The following EFCAB3 variants were observed in gnomAD, a reference collection of about 807,000 sequenced individuals.
The protein encoded by EFCAB3 is EF-hand calcium-binding domain-containing protein 3.
In EFCAB3, 36 loss-of-function variants were observed where a neutral mutation model predicts 42.2. The observed-to-expected ratio is 0.85, with a 90% CI of 0.65 to 1.13. EFCAB3 has a LOEUF of 1.13. Ranked by LOEUF, EFCAB3 falls within the 50% of genes most tolerant of loss-of-function variation. The pLI is 0.00. For missense variants in EFCAB3, 418 were observed against 505.1 expected, an observed-to-expected ratio of 0.83 and a Z score of 1.65; for synonymous variants, 170 against 172.8, an observed-to-expected ratio of 0.98 and a Z score of 0.13.
upstream of EFCAB3, among the ~76,000 whole-genome samples, chr17:62,378,766 G>C (rs1360749862): frequency 6.6e-6 from 1 of 151,406 alleles, no homozygotes; most frequent in Non-Finnish European, 1.5e-5. Flanking sequence ...GGGCCTGTTG[G>C]GGGGTAGGGG....
chr17:62,415,554 T>A (rs1274345917), intron 9 of EFCAB3, among the ~76,000 whole-genome samples: 1 of 152,140 alleles, frequency 6.6e-6, no homozygotes, highest in Non-Finnish European at 1.5e-5. Flanking sequence ...GGATATTTAC[T>A]GCCTTGGGGT....
intron 6 of EFCAB3, among the ~76,000 whole-genome samples, chr17:62,404,900 G>A (rs1478446417): frequency 1.3e-5 from 2 of 152,190 alleles, no homozygotes; most frequent in Admixed American, 1.3e-4. Flanking sequence ...AATATAATGT[G>A]ACATAAATTG....
chr17:62,401,848 G>T (rs2070405982), intron 6 of EFCAB3, among the ~76,000 whole-genome samples: 1 of 152,118 alleles, frequency 6.6e-6, no homozygotes, highest in Non-Finnish European at 1.5e-5. Context: ...AGCTTGATGG[G>T]GATGGCATTG....
rs764892340 is a variant in EFCAB3 at position 62,391,902 on chromosome 17, A to T, written c.232A>T (p.Lys78Ter). The T allele has an allele frequency of 1.2e-6, 2 of 1,613,616 alleles. No individual in the cohort carries two copies. Among genetic ancestry groups the T allele is most frequent in the African/African-American group, 2.7e-5 (2 of 74,902 alleles). The change falls in exon 4 of 10, where the codon AAG becomes TAG. Residue 78 changes from lysine (K) to a stop codon, truncating the protein, a stop_gained. Transcript: ENST00000305286. LOFTEE classifies it high-confidence loss of function. ...CCATGGACTGATGTGCACTGTAGCT[A>T]AGCTGGGAATGAATCTGACCAAGCA... ...DFHGLMCTVA[K>*]LGMNLTKHDV...
At chr17:62,406,811 T>G in intron 7 of EFCAB3, 138 bp downstream of exon 7, 1 of 960,526 alleles carries the variant, frequency 1.0e-6, no homozygotes, top group Non-Finnish European at 1.5e-6. Flanking sequence ...GTCACATAGA[T>G]GTCATTTGAA....
chr17:62,373,123 T>TA (rs972248127), intron 1 of EFCAB3, among the ~76,000 whole-genome samples: 3 of 148,752 alleles, frequency 2.0e-5, no homozygotes, highest in Non-Finnish European at 4.5e-5. Flanking sequence ...TCACTAAAAA[T>TA]AAAAAAAATT....
chr17:62,399,780 C>G (rs941312923), intron 6 of EFCAB3, among the ~76,000 whole-genome samples: 1 of 152,102 alleles, frequency 6.6e-6, no homozygotes, highest in African/African-American at 2.4e-5. Flanking sequence ...ACTCCCTGTC[C>G]CCACTTCTCT....
chr17:62,377,898 A>T, upstream of EFCAB3: 1 of 1,214,482 alleles, frequency 8.2e-7, no homozygotes, highest in Non-Finnish European at 1.2e-6. Context: ...AAGATAAATT[A>T]TGCCCTCCTA....
upstream of EFCAB3, among the ~76,000 whole-genome samples, chr17:62,377,056 G>A (rs2144048815): frequency 6.6e-6 from 1 of 152,258 alleles, no homozygotes; most frequent in Non-Finnish European, 1.5e-5. Context: ...GAGAGAGAGA[G>A]AGAGTGACCA....
At chr17:62,414,645 G>A (rs1033713164) in intron 9 of EFCAB3, among the ~76,000 whole-genome samples, 3 of 151,912 alleles carry the variant, frequency 2.0e-5, no homozygotes, top group Non-Finnish European at 2.9e-5. Context: ...TTAGATCCAC[G>A]GGGTACATGT....
At chr17:62,406,767 C>A in intron 7 of EFCAB3, 94 bp downstream of exon 7, 1 of 1,322,826 alleles carries the variant, frequency 7.6e-7, no homozygotes, top group Non-Finnish European at 1.0e-6. Flanking sequence ...GGCATAAGAA[C>A]AGGACTGCAG....
chr17:62,399,457 C>T (rs1001881127), intron 6 of EFCAB3, among the ~76,000 whole-genome samples: 2 of 138,160 alleles, frequency 1.4e-5, no homozygotes, highest in African/African-American at 5.5e-5. Flanking sequence ...CGTGAGCCAC[C>T]GCCTGGCCCC....
chr17:62,373,279 CAA>C (rs66484718), intron 1 of EFCAB3, among the ~76,000 whole-genome samples: 1,447 of 131,882 alleles, frequency 0.011, 35 homozygotes, highest in African/African-American at 0.039. Flanking sequence ...GACCCTGCCT[CAA>C]AAAAAAAAAA....
rs140383821 is a variant in EFCAB3, at chr17:62,387,368, T to C, written c.103T>C (p.Cys35Arg). ...RDRDLPGSLQ[C>R]QLQHKEKKLS... ...TAGAGACTTACCAGGATCTCTTCAA[T>C]GCCAATTACAACACAAAGAAAAGAA... The change falls in exon 3 of 10, where the codon TGC becomes CGC. Residue 35 changes from cysteine to arginine, a missense_variant. Transcript: ENST00000305286. The C allele has an allele frequency of 7.8e-5, 126 of 1,611,890 alleles. 1 individual carries two copies. In the African/African-American group the frequency reaches 1.1e-3, roughly 15 times the overall value.
chr17:62,400,542 T>C (rs530671567), intron 6 of EFCAB3, among the ~76,000 whole-genome samples: 7 of 152,374 alleles, frequency 4.6e-5, no homozygotes, highest in Admixed American at 2.0e-4. Context: ...TCCATGTCCC[T>C]ACAAAGGACA....
Position 62,391,962 on chromosome 17 carries a change from G to C in EFCAB3, c.292G>C (p.Asp98His), listed in dbSNP as rs201682284. The C allele has an allele frequency of 6.3e-7, 1 of 1,597,840 alleles. No homozygotes were observed. Among genetic ancestry groups the C allele is most frequent in the African/African-American group, 1.3e-5 (1 of 74,794 alleles). ...TAATGAATTGAAATGTGCTGATATT[G>C]ATCGTGAGTCCTTTGGCTTCTCATT... ...VYNELKCADIDRDGKVNFSDF... is the reference protein window; with the variant it reads ...VYNELKCADIHRDGKVNFSDF... Residue 98 changes from aspartate to histidine, a missense_variant, in exon 4 of 10, where the codon GAT becomes CAT. Transcript: ENST00000305286.
chr17:62,378,933 A>G (rs939526898), upstream of EFCAB3, among the ~76,000 whole-genome samples: 4 of 151,976 alleles, frequency 2.6e-5, no homozygotes, highest in African/African-American at 9.7e-5. Context: ...CAAAAAAAAA[A>G]ATGTGGTGGG....
intron 1 of EFCAB3, among the ~76,000 whole-genome samples, chr17:62,370,581 A>C (rs2070107762): frequency 6.6e-6 from 1 of 151,934 alleles, no homozygotes; most frequent in Admixed American, 6.6e-5. Flanking sequence ...GCTTGAACCC[A>C]GGAGGGGGAG....
chr17:62,375,590 A>G (rs942208700), upstream of EFCAB3, among the ~76,000 whole-genome samples: 1 of 152,212 alleles, frequency 6.6e-6, no homozygotes, highest in Admixed American at 6.5e-5. Context: ...TACCTGATAG[A>G]GGTTCTAGTC....
Sources: allele counts gnomAD v4.1 joint callset (sites outside exome capture counted in the v4.1 genomes callset), GRCh38; gene constraint gnomAD v4.1.1; transcripts MANE v1.5; gene names NCBI Gene and HGNC (gene_info 2026-07-23, HGNC 2026-07-21).